Variants in TENT5B observed in about 807,000 individuals in gnomAD.
The protein encoded by TENT5B is family with sequence similarity 46 member B.
In TENT5B, 12 loss-of-function variants were observed where a neutral mutation model predicts 21.7. That is an observed-to-expected ratio of 0.55 (90% confidence interval 0.36 to 0.90). The LOEUF (loss-of-function observed/expected upper bound fraction) is 0.90, where lower values mean the gene tolerates loss of function less well. Among genes scored for constraint, TENT5B ranks in the 40% least tolerant of loss-of-function variants. The pLI, the probability that TENT5B is intolerant of heterozygous loss-of-function variation, is 0.01. For missense variants in TENT5B, 540 were observed against 601.5 expected (o/e 0.90, Z 1.07); for synonymous variants, 262 against 266.6 (o/e 0.98, Z 0.17).
Position 27,005,102 on chromosome 1 carries a change from T to G in TENT5B, c.*842A>C, listed in dbSNP as rs2082590001. ...AGGGGAATACGCAAGGGGGTGGGAG[T>G]ATGGCTCCCCTACCCCATGTGAGAG... On this transcript the variant is annotated 3_prime_UTR_variant, in exon 2 of 2. Coordinates refer to ENST00000289166, the MANE Select transcript of TENT5B (RefSeq NM_052943.4). 6.6e-6 allele frequency: 1 copy of G among 151,716 alleles called. No individual in the cohort carries two copies. The highest frequency in any genetic ancestry group is 2.4e-5 in the African/African-American group (1 of 41,022). The allele number at this position is 151,716 out of a possible 1,614,324, so 9.4% of individuals were successfully genotyped here. A position where few individuals can be genotyped will look rare whatever the true frequency, so the allele number is the denominator to read the frequency against.
Position 27,006,218 on chromosome 1 carries a change from T to C in TENT5B, c.1004A>G (p.Asp335Gly), listed in dbSNP as rs1304938138. The C allele has an allele frequency of 3.7e-6, 6 of 1,609,940 alleles. No homozygotes were observed. In the South Asian group the frequency reaches 4.4e-5, roughly 12 times the overall value. ...RYLEAHFGGA[D>G]AARRYACLVT... ...CAGGCAGGCGTAACGGCGGGCTGCA[T>C]CTGCCCCACCGAAGTGGGCCTCCAG... is the stretch of plus-strand genomic sequence containing the variant. The change falls in exon 2 of 2, where the codon GAT becomes GGT. Residue 335 changes from aspartate (D) to glycine (G), a missense_variant. Asp to Gly is a moderately conservative substitution (Grantham distance 94, BLOSUM62 -1). Transcript: ENST00000289166. This position sits in a 1 kb window ranked among gnomAD's most constrained non-coding sequence, Gnocchi z 9.4.
At position 27,012,697 on chromosome 1, in the gene TENT5B, A is replaced by C; in HGVS notation, c.-27T>G. 2 of 1,450,500 alleles carry C rather than the reference A, an allele frequency of 1.4e-6. No homozygotes were observed. The highest frequency in any genetic ancestry group is 1.8e-6 in the Non-Finnish European group (2 of 1,116,358). 89.9% of individuals were successfully genotyped at this position (1,450,500 alleles called of 1,614,324 possible). ...CGCCCGGCCCCCGGGCCCCGACGGC[A>C]GAAACCGTGGGGGTGGTTAAGGGGA... On this transcript the variant is annotated 5_prime_UTR_variant, in exon 1 of 2. Transcript: ENST00000289166.
chr1:27,009,530 G>A (rs1198859422), intron 1 of TENT5B, among the ~76,000 whole-genome samples: 1 of 152,246 alleles, frequency 6.6e-6, no homozygotes, highest in East Asian at 1.9e-4. Context: ...GTTGGGAGAT[G>A]CCTTGGCCAG....
chr1:27,005,452 A>T lies in TENT5B; in HGVS notation c.*492T>A, dbSNP rs1188358737. The T allele has an allele frequency of 6.5e-6, 1 of 154,458 alleles. No homozygotes were observed. Among genetic ancestry groups the T allele is most frequent in the African/African-American group, 2.4e-5 (1 of 41,538 alleles). The allele number at this position is 154,458 out of a possible 1,614,324, so 9.6% of individuals were successfully genotyped here. A position where few individuals can be genotyped will look rare whatever the true frequency, so the allele number is the denominator to read the frequency against. On this transcript the variant is annotated 3_prime_UTR_variant, in exon 2 of 2. Coordinates refer to ENST00000289166, the MANE Select transcript of TENT5B (RefSeq NM_052943.4). The stretch of plus-strand genomic sequence containing the variant: ...TCCCAGTGATTACCCAAGTTGGCCC[A>T]TCAGGCCCTGTAGTGGCCCAGCCTG...
At chr1:27,009,700 C>A (rs1442971073) in intron 1 of TENT5B, among the ~76,000 whole-genome samples, 1 of 152,232 alleles carries the variant, frequency 6.6e-6, no homozygotes, top group Non-Finnish European at 1.5e-5. Flanking sequence ...CTGACTGAGC[C>A]TTACTCAGTG....
At position 27,009,008 on chromosome 1, in the gene TENT5B, T is replaced by TGA. The variant is rs1338965798; in HGVS notation, c.265-2053_265-2052dup. ...TTTTTTTTTTTTTTTTTTTTTTTTT[T>TGA]GAGAGAGTCCTGATTTTGTAGCTGA... On this transcript the variant is annotated intron_variant, in intron 1 of 1. Coordinates refer to ENST00000289166, the MANE Select transcript of TENT5B (RefSeq NM_052943.4). Among the ~76,000 whole-genome samples the TGA allele has an allele frequency of 4.8e-3, 402 of 83,174 alleles. 6 individuals carry two copies. The highest frequency in any genetic ancestry group is 0.014 in the African/African-American group (385 of 26,886). The allele number at this position is 83,174 out of a possible 152,430, so 54.6% of individuals were successfully genotyped here.
rs1378270142 is a variant in TENT5B, at chr1:27,006,246, A to G, written c.976T>C (p.Tyr326His). 2 of 1,612,358 alleles carry G rather than the reference A, an allele frequency of 1.2e-6. No individual in the cohort carries two copies. The highest frequency in any genetic ancestry group is 1.7e-5 in the Admixed American group (1 of 59,912). Reference sequence around the variant, plus strand: ...GCCCCACCGAAGTGGGCCTCCAGGTAGCGCTCTAGGGTGCGCCGCTGCTCC... The same window carrying G: ...GCCCCACCGAAGTGGGCCTCCAGGTGGCGCTCTAGGGTGCGCCGCTGCTCC... ...LVEQRRTLER[Y>H]LEAHFGGADA... Residue 326 changes from tyrosine to histidine, a missense_variant, in exon 2 of 2, where the codon TAC (tyrosine) becomes CAC (histidine). Tyr to His is a moderately conservative substitution (Grantham distance 83, BLOSUM62 2). Transcript: ENST00000289166. This position sits in a 1 kb window ranked among gnomAD's most constrained non-coding sequence, Gnocchi z 9.4.
chr1:27,007,126 TG>T (rs1222004243), intron 1 of TENT5B, among the ~76,000 whole-genome samples, 169 bp from the exon 2 acceptor site: 2 of 27,708 alleles, frequency 7.2e-5, no homozygotes, highest in Admixed American at 4.2e-4. Flanking sequence ...GTGGGGGGGT[TG>T]GGGGGGAGTC....
At chr1:27,009,368 G>A (rs2082614547) in intron 1 of TENT5B, among the ~76,000 whole-genome samples, 1 of 152,178 alleles carries the variant, frequency 6.6e-6, no homozygotes, top group Non-Finnish European at 1.5e-5. Context: ...CAACAGCAAA[G>A]CCTATCCTGT....
chr1:27,008,496 C>G (rs904534920), intron 1 of TENT5B, among the ~76,000 whole-genome samples: 2 of 152,130 alleles, frequency 1.3e-5, no homozygotes, highest in African/African-American at 4.8e-5. Context: ...ACAAGGAACA[C>G]GGAGAATGGG....
At position 27,005,725 on chromosome 1, in the gene TENT5B, C is replaced by G. The variant is rs140004034; in HGVS notation, c.*219G>C. The G allele has an allele frequency of 1.9e-6, 1 of 539,420 alleles. No homozygotes were observed. Among genetic ancestry groups the G allele is most frequent in the Non-Finnish European group, 3.1e-6 (1 of 324,330 alleles). 33.4% of individuals were successfully genotyped at this position (539,420 alleles called of 1,614,324 possible). A position where few individuals can be genotyped will look rare whatever the true frequency, so the allele number is the denominator to read the frequency against. ...GGCATGCTGGTCCAAAAGTGTGATG[C>G]AATAACCAAAGGGTCCTCCTGCTGA... On this transcript the variant is annotated 3_prime_UTR_variant, in exon 2 of 2. Transcript: ENST00000289166.
In TENT5B at chr1:27,006,254, A is replaced by G; in HGVS notation, c.968T>C (p.Leu323Pro). ...FPDLVEQRRT[L>P]ERYLEAHFGG... The stretch of plus-strand genomic sequence containing the variant: ...GAAGTGGGCCTCCAGGTAGCGCTCT[A>G]GGGTGCGCCGCTGCTCCACCAGGTC... Residue 323 changes from leucine to proline, a missense_variant, in exon 2 of 2, where the codon CTA becomes CCA. Leu to Pro is a moderately conservative substitution (Grantham distance 98). Coordinates refer to ENST00000289166, the MANE Select transcript of TENT5B (RefSeq NM_052943.4). The surrounding 1 kb of genome is among the most constrained non-coding windows in gnomAD (Gnocchi z 9.4). 4 of 1,612,692 alleles carry G rather than the reference A, an allele frequency of 2.5e-6. No individual in the cohort carries two copies. The highest frequency in any genetic ancestry group is 3.4e-6 in the Non-Finnish European group (4 of 1,179,752).
intron 1 of TENT5B, among the ~76,000 whole-genome samples, chr1:27,008,293 A>G (rs1334407974): frequency 6.6e-6 from 1 of 152,204 alleles, no homozygotes; most frequent in African/African-American, 2.4e-5. Flanking sequence ...CTGCCAAGTC[A>G]GCACCCAGCT....
chr1:27,005,430 C>G lies in TENT5B; in HGVS notation c.*514G>C, dbSNP rs575919087. On this transcript the variant is annotated 3_prime_UTR_variant, in exon 2 of 2. Transcript: ENST00000289166. ...CCTCGGGCCTCAGTTTCCCTCCTCC[C>G]AGTGATTACCCAAGTTGGCCCATCA... The G allele has an allele frequency of 6.5e-6, 1 of 154,172 alleles. No individual in the cohort carries two copies. The highest frequency in any genetic ancestry group is 2.4e-5 in the African/African-American group (1 of 41,636). 9.6% of individuals were successfully genotyped at this position (154,172 alleles called of 1,614,324 possible).
chr1:27,012,219 T>G (rs1326569496), intron 1 of TENT5B, among the ~76,000 whole-genome samples, 188 bp downstream of exon 1: 1 of 152,068 alleles, frequency 6.6e-6, no homozygotes, highest in African/African-American at 2.4e-5. Context: ...AAAAGCCAGG[T>G]GGGGAAGGAT....
chr1:27,006,201 C>G lies in TENT5B; in HGVS notation c.1021G>C (p.Ala341Pro). The G allele has an allele frequency of 1.9e-6, 3 of 1,612,278 alleles. No individual in the cohort carries two copies. Among genetic ancestry groups the G allele is most frequent in the Non-Finnish European group, 2.5e-6 (3 of 1,179,608 alleles). The stretch of plus-strand genomic sequence containing the variant: ...ACCCGGTGCAGTGTCACCAGGCAGG[C>G]GTAACGGCGGGCTGCATCTGCCCCA... ...FGGADAARRY[A>P]CLVTLHRVVN... Residue 341 changes from alanine (A) to proline (P), a missense_variant, in exon 2 of 2, where the codon GCC (alanine) becomes CCC (proline). By Grantham distance (27) the Ala-to-Pro change is conservative. Transcript: ENST00000289166. This position sits in a 1 kb window ranked among gnomAD's most constrained non-coding sequence, Gnocchi z 9.4.
chr1:27,005,685 C>T lies in TENT5B; in HGVS notation c.*259G>A, dbSNP rs2082592710. 1 of 456,826 alleles carries T rather than the reference C, an allele frequency of 2.2e-6. No homozygotes were observed. Among genetic ancestry groups the T allele is most frequent in the Non-Finnish European group, 3.8e-6 (1 of 262,986 alleles). The allele number at this position is 456,826 out of a possible 1,614,324, so 28.3% of individuals were successfully genotyped here. A position where few individuals can be genotyped will look rare whatever the true frequency, so the allele number is the denominator to read the frequency against. ...GGAAATTGACTTCCAAGACAAATGGCGCCTGCACCCCACCGGCATGCTGGT... is the reference window on the plus strand; with the variant it reads ...GGAAATTGACTTCCAAGACAAATGGTGCCTGCACCCCACCGGCATGCTGGT... On this transcript the variant is annotated 3_prime_UTR_variant, in exon 2 of 2. Coordinates refer to ENST00000289166, the MANE Select transcript of TENT5B (RefSeq NM_052943.4).
rs1255971597 is a variant in TENT5B, at chr1:27,006,359, C to T, written c.863G>A (p.Arg288Gln). Residue 288 changes from arginine to glutamine, a missense_variant, in exon 2 of 2, where the codon CGG (arginine) becomes CAG (glutamine). Arg to Gln is a conservative substitution (Grantham distance 43). Coordinates refer to ENST00000289166, the MANE Select transcript of TENT5B (RefSeq NM_052943.4). This position sits in a 1 kb window ranked among gnomAD's most constrained non-coding sequence, Gnocchi z 9.4. ...GGTGCTGGGCCGGGGCCGGAAGCCCCGCACCAGGAGGTGGCAGTACTTGAG... is the reference window on the plus strand; with the variant it reads ...GGTGCTGGGCCGGGGCCGGAAGCCCTGCACCAGGAGGTGGCAGTACTTGAG... ...GLLKYCHLLV[R>Q]GFRPRPSTDV... 6.8e-6 allele frequency: 11 copies of T among 1,611,274 alleles called. No homozygotes were observed. Among genetic ancestry groups the T allele is most frequent in the Admixed American group, 5.0e-5 (3 of 59,906 alleles).
In TENT5B at chr1:27,008,429, G is replaced by A. The variant is rs377756812; in HGVS notation, c.265-1472C>T. On this transcript the variant is annotated intron_variant, in intron 1 of 1. Transcript: ENST00000289166. ...CGCCCTCCAGGAAGACTTCCGGGAGGAGCAACTTTACCAGGGGAAGATATT... is the reference window on the plus strand; with the variant it reads ...CGCCCTCCAGGAAGACTTCCGGGAGAAGCAACTTTACCAGGGGAAGATATT... Among the ~76,000 whole-genome samples, 110 of 152,258 alleles carry A rather than the reference G, an allele frequency of 7.2e-4. 1 individual carries two copies. Among genetic ancestry groups the A allele is most frequent in the African/African-American group, 2.5e-3 (104 of 41,552 alleles).
Sources: gnomAD v4.1 joint callset for allele counts (sites outside exome capture counted in the v4.1 genomes callset) on GRCh38, gnomAD v4.1.1 for gene constraint, Gnocchi (gnomAD v3.1) non-coding constraint, MANE v1.5 for transcripts, NCBI Gene and HGNC (gene_info 2026-07-23, HGNC 2026-07-21) for gene names.